Variants in CACNA1I observed in about 807,000 individuals in gnomAD.
CACNA1I encodes calcium voltage-gated channel subunit alpha1 I.
A neutral mutation model predicts 201.6 loss-of-function variants in CACNA1I; 74 were observed. That is an observed-to-expected ratio of 0.37 (90% CI 0.30 to 0.45). CACNA1I has a LOEUF of 0.45. Ranked by LOEUF, CACNA1I falls within the 20% of genes least tolerant of loss-of-function variation. The pLI is 1.00. For synonymous variants in CACNA1I, 1,431 were observed against 1,345.2 expected (o/e 1.06, Z -1.40); for missense variants, 2,346 against 3,138.1 (o/e 0.75, Z 6.03).
intron 1 of CACNA1I, among the ~76,000 whole-genome samples, chr22:39,595,272 A>G (rs1286573148): frequency 6.6e-6 from 1 of 152,048 alleles, no homozygotes; most frequent in Non-Finnish European, 1.5e-5. Flanking sequence ...CTGGCGACAG[A>G]GCAAGACTCC....
rs1934574473 is a variant in CACNA1I, at chr22:39,649,130, T to G, written c.1568-371T>G. The stretch of plus-strand genomic sequence containing the variant: ...GGCCTGACTCTTTCAGAATCACATC[T>G]AGTTCCCAAGCTGCACGACTGGGGC... On this transcript the variant is annotated intron_variant, in intron 9 of 36. Transcript: ENST00000402142. The surrounding 1 kb of genome is among the most constrained non-coding windows in gnomAD (Gnocchi z 7.3). Among the ~76,000 whole-genome samples the G allele has an allele frequency of 6.6e-6, 1 of 152,198 alleles. No individual in the cohort carries two copies. The highest frequency in any genetic ancestry group is 1.5e-5 in the Non-Finnish European group (1 of 68,036).
chr22:39,598,345 C>A, intron 2 of CACNA1I, 83 bp downstream of exon 2: 1 of 700,518 alleles, frequency 1.4e-6, no homozygotes, highest in Non-Finnish European at 2.5e-6. Flanking sequence ...ACACCCCCGC[C>A]CCATGTCCTG....
At chr22:39,592,325 G>C (rs1242781310) in intron 1 of CACNA1I, among the ~76,000 whole-genome samples, 2 of 152,206 alleles carry the variant, frequency 1.3e-5, no homozygotes, top group African/African-American at 4.8e-5. Context: ...GAAACGCGGA[G>C]GGTTTCCGTG....
intron 34 of CACNA1I, among the ~76,000 whole-genome samples, chr22:39,682,258 G>A (rs1935726897): frequency 6.6e-6 from 1 of 152,242 alleles, no homozygotes; most frequent in Non-Finnish European, 1.5e-5. Flanking sequence ...CTTCTTCGCT[G>A]GGCCAGGGTC....
intron 4 of CACNA1I, among the ~76,000 whole-genome samples, chr22:39,619,640 G>A (rs1240705720): frequency 6.6e-6 from 1 of 152,188 alleles, no homozygotes; most frequent in Non-Finnish European, 1.5e-5. Context: ...ATGCTTCTGA[G>A]TCCCAGGAGA....
rs1217149931 is a variant in CACNA1I, at chr22:39,666,919, C to T, written c.4104+913C>T. Among the ~76,000 whole-genome samples the T allele has an allele frequency of 3.3e-5, 5 of 152,206 alleles. No homozygotes were observed. Among genetic ancestry groups the T allele is most frequent in the Admixed American group, 6.5e-5 (1 of 15,294 alleles). On this transcript the variant is annotated intron_variant, in intron 23 of 36. Coordinates refer to ENST00000402142, the MANE Select transcript of CACNA1I (RefSeq NM_021096.4). The surrounding 1 kb of genome is among the most constrained non-coding windows in gnomAD (Gnocchi z 4.1). ...AGGAAGTTGAGGGGGAACCAGCCAG[C>T]GGCCTTTTGTGCCCGTGCTCCTGAC...
At chr22:39,574,798 T>C (rs897163586) in intron 1 of CACNA1I, among the ~76,000 whole-genome samples, 2 of 152,082 alleles carry the variant, frequency 1.3e-5, no homozygotes, top group Admixed American at 6.6e-5. Context: ...GTCAGGCTGG[T>C]GGGAGCTGCT....
chr22:39,658,113 C>A, intron 10 of CACNA1I, 39 bp from the exon 11 acceptor site: 1 of 1,608,406 alleles, frequency 6.2e-7, no homozygotes, highest in Admixed American at 1.7e-5. Flanking sequence ...TGCCCTCTGG[C>A]CTGACCGGGT....
At chr22:39,621,412 C>T (rs1017128781) in intron 4 of CACNA1I, among the ~76,000 whole-genome samples, 6 of 152,262 alleles carry the variant, frequency 3.9e-5, no homozygotes. Context: ...CAGCCAACCT[C>T]TGTGGTCCAT....
intron 35 of CACNA1I, among the ~76,000 whole-genome samples, chr22:39,683,179 T>C (rs1000570222): frequency 1.3e-5 from 2 of 152,250 alleles, no homozygotes; most frequent in African/African-American, 4.8e-5. Context: ...GTGGCTGGGC[T>C]CTGGGCACAG....
In CACNA1I at chr22:39,665,842, C is replaced by T. The variant is rs1338738543; in HGVS notation, c.3979-39C>T. On this transcript the variant is annotated intron_variant, in intron 22 of 36. Transcript: ENST00000402142. This position sits in a 1 kb window ranked among gnomAD's most constrained non-coding sequence, Gnocchi z 5.5. ...GCGAGTTCCTCTCTGACTTGCAACC[C>T]TCACCTGTGAGAGCACCAACCTCAC... 1.2e-6 allele frequency: 2 copies of T among 1,613,156 alleles called. No individual in the cohort carries two copies. The highest frequency in any genetic ancestry group is 2.2e-5 in the South Asian group (2 of 91,072).
chr22:39,675,501 G>C (rs1935491254), intron 29 of CACNA1I, among the ~76,000 whole-genome samples: 1 of 152,230 alleles, frequency 6.6e-6, no homozygotes, highest in African/African-American at 2.4e-5. Flanking sequence ...GGAGACCCAA[G>C]GTAGTCATTA....
chr22:39,612,537 T>C (rs1352797197), intron 3 of CACNA1I, among the ~76,000 whole-genome samples: 2 of 152,100 alleles, frequency 1.3e-5, no homozygotes, highest in Non-Finnish European at 2.9e-5. Context: ...TCCTCATAGA[T>C]GAGTCTTCTC....
In CACNA1I at chr22:39,629,396, C is replaced by A. The variant is rs1264373523; in HGVS notation, c.581-5169C>A. Reference sequence around the variant, plus strand: ...GGAGTCGTCCCCAACTGCCCTCTTCCTCCTACATCCATATCCCATCCCTCT... The same window carrying A: ...GGAGTCGTCCCCAACTGCCCTCTTCATCCTACATCCATATCCCATCCCTCT... On this transcript the variant is annotated intron_variant, in intron 4 of 36. Coordinates refer to ENST00000402142, the MANE Select transcript of CACNA1I (RefSeq NM_021096.4). This position sits in a 1 kb window ranked among gnomAD's most constrained non-coding sequence, Gnocchi z 4.8. Among the ~76,000 whole-genome samples, 2 of 152,038 alleles carry A rather than the reference C, an allele frequency of 1.3e-5. No homozygotes were observed. The highest frequency in any genetic ancestry group is 4.8e-5 in the African/African-American group (2 of 41,394).
chr22:39,576,960 CT>C (rs763038364), intron 1 of CACNA1I, among the ~76,000 whole-genome samples: 3 of 142,110 alleles, frequency 2.1e-5, no homozygotes, highest in Non-Finnish European at 4.8e-5. Flanking sequence ...TCTTCTTCTT[CT>C]TTTTTTTTGA....
At chr22:39,613,797 G>C (rs1215275996) in intron 3 of CACNA1I, among the ~76,000 whole-genome samples, 1 of 152,092 alleles carries the variant, frequency 6.6e-6, no homozygotes, top group African/African-American at 2.4e-5. Flanking sequence ...GTCACACAGA[G>C]CTCCTGGGTC....
intron 1 of CACNA1I, among the ~76,000 whole-genome samples, chr22:39,591,413 C>T (rs961122448): frequency 9.6e-5 from 14 of 145,934 alleles, no homozygotes; most frequent in East Asian, 4.2e-4. Context: ...CTGCTCACCC[C>T]GGCCTCCCAA....
chr22:39,612,824 T>C (rs1286697912), intron 3 of CACNA1I, among the ~76,000 whole-genome samples: 1 of 152,134 alleles, frequency 6.6e-6, no homozygotes, highest in East Asian at 1.9e-4. Flanking sequence ...TCCTCTCTAT[T>C]ATTTCCTTCC....
chr22:39,680,446 G>A (rs1212284266), intron 33 of CACNA1I, among the ~76,000 whole-genome samples: 1 of 152,210 alleles, frequency 6.6e-6, no homozygotes, highest in Non-Finnish European at 1.5e-5. Context: ...CAGGTCCCCA[G>A]GAACCATCAG....
Sources: allele counts gnomAD v4.1 joint callset (sites outside exome capture counted in the v4.1 genomes callset), GRCh38; gene constraint gnomAD v4.1.1; non-coding constraint Gnocchi (gnomAD v3.1); transcripts MANE v1.5; gene names NCBI Gene and HGNC (gene_info 2026-07-23, HGNC 2026-07-21).